The following PLXDC2 variants were observed in gnomAD, a reference collection of about 807,000 sequenced individuals.
The protein encoded by PLXDC2 is plexin domain containing 2.
Under a neutral mutation model 68.9 loss-of-function variants are expected in PLXDC2, and 40 were observed. The ratio of observed to expected loss-of-function variants is 0.58; its 90% CI spans 0.45 to 0.76. The LOEUF (loss-of-function observed/expected upper bound fraction) is 0.76. PLXDC2 is among the 30% of genes least tolerant of loss of function. The pLI, the probability that PLXDC2 is intolerant of heterozygous loss-of-function variation, is 0.00. For missense variants in PLXDC2, 644 were observed against 661.9 expected (o/e 0.97, Z 0.30); for synonymous variants, 243 against 234.2 (o/e 1.04, Z -0.34).
chr10:19,855,123 A>G (rs549869450), intron 1 of PLXDC2, among the ~76,000 whole-genome samples: 5 of 152,212 alleles, frequency 3.3e-5, no homozygotes, highest in Non-Finnish European at 5.9e-5. Context: ...CCTGGTTCAT[A>G]CAACACATGT....
intron 4 of PLXDC2, among the ~76,000 whole-genome samples, chr10:20,129,681 A>G (rs1833841750): frequency 6.6e-6 from 1 of 151,942 alleles, no homozygotes. Context: ...CTTTGAGTTG[A>G]TTTTTGTATA....
At chr10:19,846,631 T>G (rs1837014608) in intron 1 of PLXDC2, among the ~76,000 whole-genome samples, 1 of 152,158 alleles carries the variant, frequency 6.6e-6, no homozygotes, top group African/African-American at 2.4e-5. Flanking sequence ...CTCACCAAAC[T>G]TTTTTGGGGG....
intron 9 of PLXDC2, among the ~76,000 whole-genome samples, chr10:20,197,130 A>G (rs999348325): frequency 6.6e-6 from 1 of 152,180 alleles, no homozygotes; most frequent in Non-Finnish European, 1.5e-5. Context: ...GTCACTTTTA[A>G]TTATAGATGC....
At chr10:19,910,587 G>A (rs1303005681) in intron 1 of PLXDC2, among the ~76,000 whole-genome samples, 1 of 136,606 alleles carries the variant, frequency 7.3e-6, no homozygotes, top group African/African-American at 2.8e-5. Flanking sequence ...TTTTTAAGTG[G>A]TTGCTTTTTT....
chr10:20,263,287 G>A (rs1254206385), intron 13 of PLXDC2, among the ~76,000 whole-genome samples: 2 of 152,078 alleles, frequency 1.3e-5, no homozygotes, highest in Admixed American at 1.3e-4. Context: ...AATGGTGCTG[G>A]GAGAACTGGC....
intron 1 of PLXDC2, among the ~76,000 whole-genome samples, chr10:19,878,192 T>TA (rs1554841861): frequency 6.6e-6 from 1 of 150,794 alleles, no homozygotes; most frequent in Non-Finnish European, 1.5e-5. Flanking sequence ...TATTTTTTTT[T>TA]ATCAGACTCT....
chr10:19,971,986 A>G lies in PLXDC2; in HGVS notation c.113-29789A>G, dbSNP rs116835772. On this transcript the variant is annotated intron_variant, in intron 1 of 13. Transcript: ENST00000377252. ...AGAGATCCTAGGAACAGGGAGTGGC[A>G]TGCGTTGTGCATAGAGGGAGGAAGG... 8.1e-3 allele frequency among the ~76,000 whole-genome samples: 1,232 copies of G among 152,250 alleles called. 22 individuals are homozygous for G. The highest frequency in any genetic ancestry group is 0.028 in the African/African-American group (1,168 of 41,540).
At chr10:19,927,876 G>T (rs1475916178) in intron 1 of PLXDC2, among the ~76,000 whole-genome samples, 1 of 152,060 alleles carries the variant, frequency 6.6e-6, no homozygotes, top group Non-Finnish European at 1.5e-5. Flanking sequence ...TAATCGTACA[G>T]TGGTAAAGTG....
chr10:20,112,533 G>C (rs1441509310), intron 4 of PLXDC2, among the ~76,000 whole-genome samples: 1 of 152,016 alleles, frequency 6.6e-6, no homozygotes, highest in Non-Finnish European at 1.5e-5. Context: ...GTATCCCATG[G>C]GCATATTTAG....
intron 1 of PLXDC2, among the ~76,000 whole-genome samples, chr10:19,957,069 C>A (rs1479292225): frequency 6.6e-6 from 1 of 152,108 alleles, no homozygotes; most frequent in Non-Finnish European, 1.5e-5. Flanking sequence ...TTATGAAATT[C>A]AACAATTTGG....
chr10:19,817,085 G>A lies in PLXDC2; in HGVS notation c.6G>A (p.Ala2=), dbSNP rs1346041709. The change falls in exon 1 of 14, where the codon GCG becomes GCA. Residue 2 remains alanine, a synonymous_variant. Coordinates refer to ENST00000377252, the MANE Select transcript of PLXDC2 (RefSeq NM_032812.9). ...AGGGAGGTGGCGGCGGCGGCATGGC[G>A]AGGTTCCCGAAGGCCGACCTGGCCG... The part of the protein sequence containing the change: M[A]RFPKADLAAA... The A allele has an allele frequency of 6.4e-7, 1 of 1,551,714 alleles. No homozygotes were observed.
At position 20,282,460 on chromosome 10, in the gene PLXDC2, CAA is replaced by C. The variant is rs1452741663; in HGVS notation, c.*2643_*2644del. The C allele has an allele frequency of 6.6e-6, 1 of 152,020 alleles. No individual in the cohort carries two copies. Among genetic ancestry groups the C allele is most frequent in the Admixed American group, 6.5e-5 (1 of 15,270 alleles). 9.4% of individuals were successfully genotyped at this position (152,020 alleles called of 1,614,324 possible). ...ATAATAGAATAACAAAAAAAGATAA[CAA>C]AGAGATGCAAACTTCTGGATAAATC... is the stretch of plus-strand genomic sequence containing the variant. On this transcript the variant is annotated 3_prime_UTR_variant, in exon 14 of 14. Transcript: ENST00000377252.
At chr10:20,033,574 G>T (rs1461151837) in intron 2 of PLXDC2, among the ~76,000 whole-genome samples, 1 of 152,204 alleles carries the variant, frequency 6.6e-6, no homozygotes, top group African/African-American at 2.4e-5. Context: ...GGCAGAAGGC[G>T]AAGGAAGAGC....
chr10:20,279,979 CAA>C lies in PLXDC2; in HGVS notation c.*162_*163del. 1.7e-6 allele frequency: 1 copy of C among 605,154 alleles called. No homozygotes were observed. The highest frequency in any genetic ancestry group is 2.9e-6 in the Non-Finnish European group (1 of 344,094). 37.5% of individuals were successfully genotyped at this position (605,154 alleles called of 1,614,324 possible). ...TTCTGGACAAGCTCAGCCCAGGAAA[CAA>C]AGGGTAAACAAAAAACTAAAACTTA... On this transcript the variant is annotated 3_prime_UTR_variant, in exon 14 of 14. Transcript: ENST00000377252.
At chr10:20,224,681 C>T (rs924199953) in intron 12 of PLXDC2, among the ~76,000 whole-genome samples, 1 of 152,194 alleles carries the variant, frequency 6.6e-6, no homozygotes, top group Non-Finnish European at 1.5e-5. Context: ...TGCTACACTG[C>T]AGATGTTAAA....
intron 1 of PLXDC2, among the ~76,000 whole-genome samples, chr10:19,958,525 G>A (rs1834106407): frequency 1.3e-5 from 2 of 152,104 alleles, no homozygotes; most frequent in Non-Finnish European, 2.9e-5. Context: ...GTCTGATAAA[G>A]CCAAGTATCT....
At chr10:20,008,000 T>C (rs184688658) in intron 2 of PLXDC2, among the ~76,000 whole-genome samples, 28 of 152,354 alleles carry the variant, frequency 1.8e-4, no homozygotes, top group African/African-American at 6.7e-4. Flanking sequence ...GTGTGATAGA[T>C]TTAGCTAAAA....
chr10:19,919,681 A>G (rs546714641), intron 1 of PLXDC2, among the ~76,000 whole-genome samples: 1 of 152,220 alleles, frequency 6.6e-6, no homozygotes, highest in Admixed American at 6.5e-5. Flanking sequence ...GATAGTGGTA[A>G]TTCTTGGCCC....
chr10:20,233,346 T>G, intron 12 of PLXDC2, among the ~76,000 whole-genome samples: 1 of 140,164 alleles, frequency 7.1e-6, no homozygotes, highest in Non-Finnish European at 1.5e-5. Flanking sequence ...GGCAACATAG[T>G]GAGATCCCAT....
Sources: allele counts gnomAD v4.1 joint callset (sites outside exome capture counted in the v4.1 genomes callset), GRCh38; gene constraint gnomAD v4.1.1; transcripts MANE v1.5; gene names NCBI Gene and HGNC (gene_info 2026-07-23, HGNC 2026-07-21).